Variants in ERI3 observed in about 807,000 individuals in gnomAD.
ERI3 encodes the protein ERI1 exoribonuclease 3.
Under a neutral mutation model 44.4 loss-of-function variants are expected in ERI3, and 18 were observed. That is an observed-to-expected ratio of 0.41 (90% CI 0.28 to 0.60). The LOEUF (loss-of-function observed/expected upper bound fraction) is 0.60, where lower values mean the gene tolerates loss of function less well. ERI3 is among the 20% of genes least tolerant of loss of function. The probability of loss-of-function intolerance (pLI) is 0.36; values close to 1 mark genes in which losing one functional copy is unlikely to be tolerated. For missense variants in ERI3, 294 were observed against 435.5 expected (o/e 0.68, Z 2.89); for synonymous variants, 183 against 164.8 (o/e 1.11, Z -0.84).
rs1383210894 is a variant in ERI3, at chr1:44,252,174, C to T, written c.832-4136G>A. Among the ~76,000 whole-genome samples the T allele has an allele frequency of 5.9e-5, 9 of 152,202 alleles. No homozygotes were observed. The highest frequency in any genetic ancestry group is 2.1e-4 in the South Asian group (1 of 4,830). On this transcript the variant is annotated intron_variant, in intron 7 of 8. Coordinates refer to ENST00000372257, the MANE Select transcript of ERI3 (RefSeq NM_024066.3). The surrounding 1 kb of genome is among the most constrained non-coding windows in gnomAD (Gnocchi z 4.7). ...GTCCTGTCCAGGGCAGGTACTGATG[C>T]GAGCCACAGGGACAGGTGGAGCTGG...
At position 44,307,726 on chromosome 1, in the gene ERI3, C is replaced by T. The variant is rs555849516; in HGVS notation, c.758+584G>A. 3.9e-5 allele frequency among the ~76,000 whole-genome samples: 6 copies of T among 152,318 alleles called. No individual in the cohort carries two copies. In the South Asian group the frequency reaches 8.3e-4, roughly 21 times the overall value. On this transcript the variant is annotated intron_variant, in intron 6 of 8. Transcript: ENST00000372257. The stretch of plus-strand genomic sequence containing the variant: ...TGGTGACGTGGGCAGCTTCCCGGAG[C>T]AGCCCTCTCTCATCCCACCACTGGG...
rs545231694 is a variant in ERI3, at chr1:44,271,304, C to T, written c.831+13531G>A. 3.3e-5 allele frequency among the ~76,000 whole-genome samples: 5 copies of T among 152,346 alleles called. No homozygotes were observed. In the South Asian group the frequency reaches 1.0e-3, roughly 32 times the overall value. On this transcript the variant is annotated intron_variant, in intron 7 of 8. Transcript: ENST00000372257. The stretch of plus-strand genomic sequence containing the variant: ...TGTGTGTAGTTCCCTAATCCTGCAA[C>T]GTGCTTCACCACTTCAGGCCTTTCT...
chr1:44,255,886 C>G (rs1394851580), intron 7 of ERI3, among the ~76,000 whole-genome samples: 1 of 152,170 alleles, frequency 6.6e-6, no homozygotes, highest in Non-Finnish European at 1.5e-5. Flanking sequence ...CTGCCTAGAA[C>G]GCCCTCTGCC....
At chr1:44,324,855 T>C (rs893635315) in intron 3 of ERI3, among the ~76,000 whole-genome samples, 5 of 152,074 alleles carry the variant, frequency 3.3e-5, no homozygotes, top group African/African-American at 1.2e-4. Context: ...CTGCCAACGG[T>C]GGATGAAAAC....
intron 7 of ERI3, among the ~76,000 whole-genome samples, chr1:44,254,513 C>CT (rs1644744399): frequency 6.6e-6 from 1 of 152,216 alleles, no homozygotes. Flanking sequence ...ACCCTGCCTA[C>CT]TTGTCCTAGA....
rs182226460 is a variant in ERI3 at position 44,315,500 on chromosome 1, T to C, written c.607-2272A>G. The stretch of plus-strand genomic sequence containing the variant: ...TGCCTCACTGCAGACTAAACCCAAC[T>C]CTCCCACCTGGAGCTGGGGAAATGG... On this transcript the variant is annotated intron_variant, in intron 4 of 8. Coordinates refer to ENST00000372257, the MANE Select transcript of ERI3 (RefSeq NM_024066.3). 1.9e-4 allele frequency among the ~76,000 whole-genome samples: 29 copies of C among 152,148 alleles called. No individual in the cohort carries two copies. In the East Asian group the frequency reaches 5.0e-3, roughly 26 times the overall value.
At chr1:44,278,927 T>C (rs1255075087) in intron 7 of ERI3, among the ~76,000 whole-genome samples, 1 of 152,206 alleles carries the variant, frequency 6.6e-6, no homozygotes, top group East Asian at 1.9e-4. Flanking sequence ...TTTAAATTGA[T>C]TAAAATTAAA....
At chr1:44,312,865 C>T (rs1026398949) in intron 5 of ERI3, among the ~76,000 whole-genome samples, 12 of 152,264 alleles carry the variant, frequency 7.9e-5, no homozygotes, top group African/African-American at 2.7e-4. Flanking sequence ...ACTCCCCAGC[C>T]CACCCAGCAT....
intron 3 of ERI3, among the ~76,000 whole-genome samples, chr1:44,329,378 C>G (rs1425528002): frequency 6.6e-6 from 1 of 152,174 alleles, no homozygotes; most frequent in Admixed American, 6.5e-5. Flanking sequence ...CAGGTCTGCC[C>G]CCGACATTGT....
At chr1:44,332,117 A>G (rs1646442261) in intron 3 of ERI3, among the ~76,000 whole-genome samples, 1 of 152,190 alleles carries the variant, frequency 6.6e-6, no homozygotes. Flanking sequence ...ATTGCCTCTA[A>G]GGTGGTTATA....
At chr1:44,290,433 C>T (rs1645481997) in intron 6 of ERI3, among the ~76,000 whole-genome samples, 1 of 152,198 alleles carries the variant, frequency 6.6e-6, no homozygotes, top group African/African-American at 2.4e-5. Context: ...AGAGTTGCCA[C>T]ACTTGCTCAT....
chr1:44,308,485 C>A (rs1377240238), intron 5 of ERI3, 84 bp from the exon 6 acceptor site: 2 of 1,050,446 alleles, frequency 1.9e-6, no homozygotes, highest in African/African-American at 1.6e-5. Context: ...CACAGATAAG[C>A]TGCTTGTAAT....
At chr1:44,317,081 C>T (rs1392480430) in intron 4 of ERI3, among the ~76,000 whole-genome samples, 1 of 152,192 alleles carries the variant, frequency 6.6e-6, no homozygotes. Flanking sequence ...CTGTCCAGCA[C>T]TGAGCCTGCT....
Position 44,313,989 on chromosome 1 carries a change from A to G in ERI3, c.607-761T>C, listed in dbSNP as rs1646028375. On this transcript the variant is annotated intron_variant, in intron 4 of 8. Transcript: ENST00000372257. The stretch of plus-strand genomic sequence containing the variant: ...TTGTTTTGGTTTGGTTTAAAGTAAA[A>G]AAAAAAAAAGACTGGGGATAGATTG... Among the ~76,000 whole-genome samples the G allele has an allele frequency of 2.0e-5, 3 of 152,092 alleles. No homozygotes were observed. In the South Asian group the frequency reaches 6.2e-4, roughly 31 times the overall value.
In ERI3 at chr1:44,311,512, C is replaced by T. The variant is rs140675275; in HGVS notation, c.666+1657G>A. 5.1e-3 allele frequency among the ~76,000 whole-genome samples: 774 copies of T among 152,286 alleles called. 5 individuals carry two copies. The highest frequency in any genetic ancestry group is 0.018 in the African/African-American group (735 of 41,534). On this transcript the variant is annotated intron_variant, in intron 5 of 8. Transcript: ENST00000372257. ...ACCAGGAATTTTCCCTCCTTACCCA[C>T]AAAGTATACAGAAGTAGCAGAAAGT...
At chr1:44,295,942 G>A (rs1645601218) in intron 6 of ERI3, among the ~76,000 whole-genome samples, 1 of 152,182 alleles carries the variant, frequency 6.6e-6, no homozygotes, top group African/African-American at 2.4e-5. Context: ...TCTGGCTATA[G>A]GACTGACAAT....
chr1:44,315,458 G>A (rs1646067621), intron 4 of ERI3, among the ~76,000 whole-genome samples: 1 of 152,164 alleles, frequency 6.6e-6, no homozygotes. Context: ...GTGCTGCTCT[G>A]GTGTTCTGCT....
intron 8 of ERI3, among the ~76,000 whole-genome samples, chr1:44,223,126 C>T (rs1250380055): frequency 1.3e-5 from 2 of 152,172 alleles, no homozygotes; most frequent in Non-Finnish European, 2.9e-5. Context: ...GACACCTTCC[C>T]CCAGGGACTC....
intron 2 of ERI3, among the ~76,000 whole-genome samples, chr1:44,351,830 A>T (rs1646896471): frequency 6.8e-6 from 1 of 147,038 alleles, no homozygotes; most frequent in East Asian, 2.0e-4. Flanking sequence ...TCTTCACCTA[A>T]TTTTTTTTTT....
Sources: allele counts gnomAD v4.1 joint callset (sites outside exome capture counted in the v4.1 genomes callset), GRCh38; gene constraint gnomAD v4.1.1; non-coding constraint Gnocchi (gnomAD v3.1); transcripts MANE v1.5; gene names NCBI Gene and HGNC (gene_info 2026-07-23, HGNC 2026-07-21).